Variants in SHMT1 observed in about 807,000 individuals in gnomAD.
SHMT1 encodes serine hydroxymethyltransferase 1.
SHMT1 carries 45 observed loss-of-function variants against 49.0 expected under a neutral mutation model. The observed-to-expected ratio is 0.92, with a 90% CI of 0.72 to 1.18. The LOEUF (loss-of-function observed/expected upper bound fraction) is 1.18. SHMT1 is among the 50% of genes most tolerant of loss of function. The pLI, the probability that SHMT1 is intolerant of heterozygous loss-of-function variation, is 0.00. For missense variants in SHMT1, 541 were observed against 612.4 expected (o/e 0.88, Z 1.23); for synonymous variants, 232 against 246.6 (o/e 0.94, Z 0.55).
At chr17:18,351,202 G>A (rs982774640) in intron 3 of SHMT1, among the ~76,000 whole-genome samples, 13 of 151,480 alleles carry the variant, frequency 8.6e-5, no homozygotes, top group Middle Eastern at 3.4e-3. Flanking sequence ...GTGCAGTGGC[G>A]CGATCTCGGC....
At position 18,328,540 on chromosome 17, in the gene SHMT1, T is replaced by G; in HGVS notation, c.*210A>C. 3 of 592,928 alleles carry G rather than the reference T, an allele frequency of 5.1e-6. No individual in the cohort carries two copies. Among genetic ancestry groups the G allele is most frequent in the Non-Finnish European group, 8.9e-6 (3 of 335,394 alleles). 36.7% of individuals were successfully genotyped at this position (592,928 alleles called of 1,614,324 possible). A position where few individuals can be genotyped will look rare whatever the true frequency, so the allele number is the denominator to read the frequency against. On this transcript the variant is annotated 3_prime_UTR_variant, in exon 12 of 12. Coordinates refer to ENST00000316694, the MANE Select transcript of SHMT1 (RefSeq NM_004169.5). Reference sequence around the variant, plus strand: ...AAAGCCAGGTTCAAATTTAAATCCTTTAATAACCTGTCCCAGAATTACTAA... The same window carrying G: ...AAAGCCAGGTTCAAATTTAAATCCTGTAATAACCTGTCCCAGAATTACTAA...
At chr17:18,339,984 C>T in intron 7 of SHMT1, 59 bp downstream of exon 7, 1 of 1,536,128 alleles carries the variant, frequency 6.5e-7, no homozygotes, top group Non-Finnish European at 8.9e-7. Flanking sequence ...TGAATCTGAA[C>T]CCCCACAGGA....
chr17:18,340,746 T>G lies in SHMT1; in HGVS notation c.587A>C (p.Lys196Thr), dbSNP rs781492752. ...CCGCGCATCACCTGCGATGATCAGC[T>G]TCGGGTGGAAGAGGCGTGCGTTCTC... Reference protein sequence around the residue: ...LEENARLFHPKLIIAGTSCYS... With the variant: ...LEENARLFHPTLIIAGTSCYS... Residue 196 changes from lysine (K) to threonine (T), a missense_variant, in exon 6 of 12, where the codon AAG becomes ACG. Physicochemically the swap from Lys to Thr is moderately conservative, Grantham distance 78. Transcript: ENST00000316694. This position sits in a 1 kb window ranked among gnomAD's most constrained non-coding sequence, Gnocchi z 4.5. 2 of 1,612,600 alleles carry G rather than the reference T, an allele frequency of 1.2e-6. No individual in the cohort carries two copies. The highest frequency in any genetic ancestry group is 2.7e-5 in the African/African-American group (2 of 74,886).
chr17:18,336,673 A>G (rs1489206012), intron 7 of SHMT1, among the ~76,000 whole-genome samples: 1 of 151,264 alleles, frequency 6.6e-6, no homozygotes, highest in Admixed American at 6.6e-5. Flanking sequence ...TCTCCGGGGA[A>G]AAAAAAAGTC....
chr17:18,357,654 T>C (rs1567795583), intron 1 of SHMT1, among the ~76,000 whole-genome samples: 2 of 152,138 alleles, frequency 1.3e-5, no homozygotes, highest in South Asian at 4.1e-4. Context: ...AAGGACCTCA[T>C]TTTAATCCTA....
chr17:18,355,903 T>G lies in SHMT1; in HGVS notation c.79A>C (p.Lys27Gln). The change falls in exon 2 of 12, where the codon AAA becomes CAA. Residue 27 changes from lysine (K) to glutamine (Q), a missense_variant. Transcript: ENST00000316694. ...AATCTCACCTCAACATCACTGTCTT[T>G]GAGGGGTTGTGCCAGCATCTTGTCA... ...SHDKMLAQPLKDSDVEVYNII... is the reference protein window; with the variant it reads ...SHDKMLAQPLQDSDVEVYNII... 2 of 1,613,626 alleles carry G rather than the reference T, an allele frequency of 1.2e-6. No individual in the cohort carries two copies. The highest frequency in any genetic ancestry group is 2.2e-5 in the East Asian group (1 of 44,884).
At chr17:18,342,473 C>G (rs747893150) in intron 5 of SHMT1, among the ~76,000 whole-genome samples, 16 of 152,044 alleles carry the variant, frequency 1.1e-4, no homozygotes, top group Non-Finnish European at 2.4e-4. Flanking sequence ...TGCCACCACA[C>G]CCGGCTAATT....
intron 7 of SHMT1, 45 bp from the exon 8 acceptor site, chr17:18,335,720 CTCTTTT>C: frequency 7.2e-7 from 1 of 1,390,506 alleles, no homozygotes; most frequent in Non-Finnish European, 1.0e-6. Flanking sequence ...GGGCTGTCCC[CTCTTTT>C]TCTTTTTAGG....
chr17:18,339,661 C>T (rs1043146195), intron 7 of SHMT1, among the ~76,000 whole-genome samples: 9 of 152,088 alleles, frequency 5.9e-5, no homozygotes, highest in African/African-American at 1.7e-4. Context: ...CCCAGGCTCA[C>T]GCCATTCTCC....
rs1409979941 is a variant in SHMT1, at chr17:18,353,668, A to G, written c.242+4T>C. The G allele has an allele frequency of 1.2e-6, 2 of 1,614,062 alleles. No homozygotes were observed. Among genetic ancestry groups the G allele is most frequent in the Non-Finnish European group, 1.7e-6 (2 of 1,179,966 alleles). On this transcript the variant is annotated splice_donor_region_variant and intron_variant, in intron 3 of 11. Transcript: ENST00000316694. ...GAACCAGGCCTTTGAAGATATTCAC[A>G]TACCTCTGGCCCGGGTACCCCTCAG...
At chr17:18,346,275 A>C (rs551770939) in intron 5 of SHMT1, among the ~76,000 whole-genome samples, 1 of 152,308 alleles carries the variant, frequency 6.6e-6, no homozygotes, top group African/African-American at 2.4e-5. Context: ...TTTATTAATA[A>C]AGAACATGAA....
chr17:18,333,217 A>T lies in SHMT1; in HGVS notation c.1003T>A (p.Cys335Ser), dbSNP rs1983419274. The change falls in exon 9 of 12, where the codon TGC (cysteine) becomes AGC (serine). Residue 335 changes from cysteine (C) to serine (S), a missense_variant. Transcript: ENST00000316694. The stretch of plus-strand genomic sequence containing the variant: ...GTCAGGGCCTCAGACAGAGCCCTGC[A>T]GTTGGCCACCACCTGGTGTTGATAA... ...KVYQHQVVAN[C>S]RALSEALTEL... 1 of 1,613,916 alleles carries T rather than the reference A, an allele frequency of 6.2e-7. No homozygotes were observed. Among genetic ancestry groups the T allele is most frequent in the Non-Finnish European group, 8.5e-7 (1 of 1,179,950 alleles).
At chr17:18,336,528 T>C (rs1231585044) in intron 7 of SHMT1, among the ~76,000 whole-genome samples, 1 of 151,644 alleles carries the variant, frequency 6.6e-6, no homozygotes, top group African/African-American at 2.4e-5. Context: ...TAGCTGGGCA[T>C]GGTGGCGGGC....
At chr17:18,362,605 T>G (rs1986875269) in intron 1 of SHMT1, among the ~76,000 whole-genome samples, 2 of 152,202 alleles carry the variant, frequency 1.3e-5, no homozygotes, top group South Asian at 4.1e-4. Flanking sequence ...ATTACAGGCA[T>G]GAGCCACCGC....
At chr17:18,344,642 A>G (rs1003713857) in intron 5 of SHMT1, among the ~76,000 whole-genome samples, 93 of 148,784 alleles carry the variant, frequency 6.3e-4, no homozygotes, top group African/African-American at 2.3e-3. Context: ...GGGTTTTTCA[A>G]AGGTTTTTCT....
intron 2 of SHMT1, 27 bp downstream of exon 2, chr17:18,355,859 A>C: frequency 6.7e-7 from 1 of 1,486,036 alleles, no homozygotes; most frequent in Non-Finnish European, 9.4e-7. Flanking sequence ...AACATAAAAA[A>C]ATCTGTGAAG....
chr17:18,340,984 A>G lies in SHMT1; in HGVS notation c.520-171T>C. The G allele has an allele frequency of 1.5e-6, 1 of 652,548 alleles. No homozygotes were observed. Among genetic ancestry groups the G allele is most frequent in the Non-Finnish European group, 2.8e-6 (1 of 356,814 alleles). The allele number at this position is 652,548 out of a possible 1,614,324, so 40.4% of individuals were successfully genotyped here. ...GTGTGTTCAGCCTGCTCAACCAAGT[A>G]TGGCTCACAGACCCAGGAGTCCCTG... On this transcript the variant is annotated intron_variant, in intron 5 of 11. Coordinates refer to ENST00000316694, the MANE Select transcript of SHMT1 (RefSeq NM_004169.5). The surrounding 1 kb of genome is among the most constrained non-coding windows in gnomAD (Gnocchi z 4.5).
chr17:18,333,058 T>G, intron 9 of SHMT1, 108 bp downstream of exon 9: 1 of 1,410,026 alleles, frequency 7.1e-7, no homozygotes, highest in Non-Finnish European at 9.9e-7. Context: ...GGCCCATCAT[T>G]GCAGCTGCAG....
chr17:18,342,276 G>A (rs750968473), intron 5 of SHMT1, among the ~76,000 whole-genome samples: 1 of 152,128 alleles, frequency 6.6e-6, no homozygotes, highest in Admixed American at 6.6e-5. Flanking sequence ...AGGACCTTAT[G>A]CTAAGTGAAA....
Sources: gnomAD v4.1 joint callset for allele counts (sites outside exome capture counted in the v4.1 genomes callset) on GRCh38, gnomAD v4.1.1 for gene constraint, Gnocchi (gnomAD v3.1) non-coding constraint, MANE v1.5 for transcripts, NCBI Gene and HGNC (gene_info 2026-07-23, HGNC 2026-07-21) for gene names.